The following AMPH variants were observed in gnomAD, a reference collection of about 807,000 sequenced individuals.
AMPH encodes amphiphysin (Stiff-Mann syndrome with breast cancer 128kD autoantigen).
A neutral mutation model predicts 99.1 loss-of-function variants in AMPH; 49 were observed. The observed-to-expected ratio is 0.49, with a 90% CI of 0.39 to 0.63. AMPH has a LOEUF of 0.63. Among genes scored for constraint, AMPH ranks in the 20% least tolerant of loss-of-function variants. The pLI is 0.00. For synonymous variants in AMPH, 314 were observed against 317.3 expected (o/e 0.99, Z 0.11); for missense variants, 759 against 863.4 (o/e 0.88, Z 1.52).
chr7:38,557,842 C>T (rs1190934579), intron 1 of AMPH, among the ~76,000 whole-genome samples: 1 of 151,700 alleles, frequency 6.6e-6, no homozygotes, highest in Admixed American at 6.6e-5. Flanking sequence ...TTGCCTGAGC[C>T]TAGGAGTTTG....
intron 1 of AMPH, among the ~76,000 whole-genome samples, chr7:38,597,981 T>A (rs1014742894): frequency 1.3e-5 from 2 of 152,228 alleles, no homozygotes; most frequent in African/African-American, 2.4e-5. Flanking sequence ...TTAGTCTTCA[T>A]CTTAGCTATG....
intron 16 of AMPH, among the ~76,000 whole-genome samples, chr7:38,419,427 G>A (rs753571853): frequency 6.6e-6 from 1 of 152,148 alleles, no homozygotes; most frequent in Non-Finnish European, 1.5e-5. Flanking sequence ...TGGTAGACAA[G>A]TGTGCAGACA....
At chr7:38,525,273 TATATAGAGAGAGAG>T (rs60554752) in intron 2 of AMPH, among the ~76,000 whole-genome samples, 12,250 of 83,028 alleles carry the variant, frequency 0.15, 635 homozygotes, top group Non-Finnish European at 0.18. Context: ...TATATATATA[TATATAGAGAGAGAG>T]AGAGAGAGAG....
chr7:38,533,896 T>G (rs1790501707), intron 2 of AMPH, among the ~76,000 whole-genome samples: 1 of 152,110 alleles, frequency 6.6e-6, no homozygotes, highest in African/African-American at 2.4e-5. Context: ...CCCCAGCCCT[T>G]ACGTGTGTTA....
chr7:38,619,001 C>T (rs1286383451), intron 1 of AMPH, among the ~76,000 whole-genome samples: 1 of 152,070 alleles, frequency 6.6e-6, no homozygotes, highest in Non-Finnish European at 1.5e-5. Flanking sequence ...GATTCAAAGA[C>T]ACAAATAAGT....
chr7:38,407,048 C>CTCTA (rs1241166935), intron 17 of AMPH, among the ~76,000 whole-genome samples: 2 of 31,256 alleles, frequency 6.4e-5, no homozygotes, highest in African/African-American at 2.3e-4. Context: ...CTCTCTCTCT[C>CTCTA]TATATATATA....
chr7:38,552,202 C>T (rs1791203537), intron 1 of AMPH, among the ~76,000 whole-genome samples: 1 of 152,176 alleles, frequency 6.6e-6, no homozygotes, highest in South Asian at 2.1e-4. Flanking sequence ...CAAGACTAAT[C>T]TGTACCAAAT....
In AMPH at chr7:38,490,234, GC is replaced by G. The variant is rs1788670233; in HGVS notation, c.396+815del. 5.3e-5 allele frequency among the ~76,000 whole-genome samples: 8 copies of G among 152,222 alleles called. No individual in the cohort carries two copies. The South Asian group carries it at 1.7e-3, about 32-fold the overall frequency. On this transcript the variant is annotated intron_variant, in intron 5 of 20. Transcript: ENST00000356264. The stretch of plus-strand genomic sequence containing the variant: ...CACACCTGTTAATTAGGTTGCATTT[GC>G]CCAACTACTTAGTAAAGCACTTTGC...
chr7:38,606,883 C>T (rs897691296), intron 1 of AMPH, among the ~76,000 whole-genome samples: 16 of 152,218 alleles, frequency 1.1e-4, no homozygotes, highest in Admixed American at 9.2e-4. Flanking sequence ...CCAATCATCC[C>T]TTTTTAAAGC....
At chr7:38,589,352 G>A (rs918506235) in intron 1 of AMPH, among the ~76,000 whole-genome samples, 4 of 152,128 alleles carry the variant, frequency 2.6e-5, no homozygotes, top group South Asian at 2.1e-4. Flanking sequence ...GAATCCCACC[G>A]AATTCCTCAT....
At chr7:38,486,159 GTTT>G (rs35881285) in intron 5 of AMPH, among the ~76,000 whole-genome samples, 1 of 141,890 alleles carries the variant, frequency 7.0e-6, no homozygotes, top group Non-Finnish European at 1.5e-5. Flanking sequence ...GTAACTATGA[GTTT>G]TTTTTTTTTT....
chr7:38,442,251 A>T (rs1209866011), intron 11 of AMPH, among the ~76,000 whole-genome samples: 1 of 152,148 alleles, frequency 6.6e-6, no homozygotes, highest in Non-Finnish European at 1.5e-5. Flanking sequence ...TGAACTTAAA[A>T]GTTTAATAAA....
In AMPH at chr7:38,482,617, T is replaced by G. The variant is rs573742843; in HGVS notation, c.397-5648A>C. ...TAGTACAATAACTAAGATCTTCCCA[T>G]TTTATTAATGATACTAAGTTTTTGT... On this transcript the variant is annotated intron_variant, in intron 5 of 20. Coordinates refer to ENST00000356264, the MANE Select transcript of AMPH (RefSeq NM_001635.4). Among the ~76,000 whole-genome samples the G allele has an allele frequency of 4.6e-5, 7 of 152,294 alleles. No individual in the cohort carries two copies. The South Asian group carries it at 1.4e-3, about 32-fold the overall frequency.
intron 4 of AMPH, among the ~76,000 whole-genome samples, chr7:38,492,560 C>G (rs1487253940): frequency 4.6e-5 from 7 of 152,200 alleles, no homozygotes; most frequent in Non-Finnish European, 1.0e-4. Context: ...AATCTCAATT[C>G]AAGAATTTCA....
chr7:38,611,600 A>G (rs1793681082), intron 1 of AMPH, among the ~76,000 whole-genome samples: 1 of 152,168 alleles, frequency 6.6e-6, no homozygotes, highest in African/African-American at 2.4e-5. Flanking sequence ...TTCAGTCTCC[A>G]TTGCGGAAGG....
intron 2 of AMPH, among the ~76,000 whole-genome samples, chr7:38,531,645 C>T (rs1452271897): frequency 2.0e-5 from 3 of 152,156 alleles, no homozygotes; most frequent in Non-Finnish European, 4.4e-5. Context: ...AATCTAAAAG[C>T]AAGATAACTG....
chr7:38,428,959 G>T (rs1324657277), intron 14 of AMPH: 1 of 1,237,086 alleles, frequency 8.1e-7, no homozygotes, highest in Admixed American at 2.3e-5. Context: ...ATGGTATTAA[G>T]AAGTTCTACC....
intron 17 of AMPH, among the ~76,000 whole-genome samples, chr7:38,400,161 C>T (rs1284375897): frequency 1.3e-5 from 2 of 152,242 alleles, no homozygotes; most frequent in East Asian, 1.9e-4. Flanking sequence ...CTGCAACCTC[C>T]GCCCCCCAGG....
intron 1 of AMPH, among the ~76,000 whole-genome samples, chr7:38,572,837 T>G (rs1480370802): frequency 2.0e-5 from 3 of 152,056 alleles, no homozygotes. Flanking sequence ...CAGCCTGCAG[T>G]GTCCATCCCA....
Sources: gnomAD v4.1 joint callset for allele counts (sites outside exome capture counted in the v4.1 genomes callset) on GRCh38, gnomAD v4.1.1 for gene constraint, MANE v1.5 for transcripts, NCBI Gene and HGNC (gene_info 2026-07-23, HGNC 2026-07-21) for gene names.